Variants in NOS1AP observed in about 807,000 individuals in gnomAD.
The protein encoded by NOS1AP is carboxyl-terminal PDZ ligand of neuronal nitric oxide synthase protein.
A neutral mutation model predicts 56.2 loss-of-function variants in NOS1AP; 21 were observed. The observed-to-expected ratio is 0.37, with a 90% CI of 0.26 to 0.54. The LOEUF (loss-of-function observed/expected upper bound fraction) is 0.54. Among genes scored for constraint, NOS1AP ranks in the 20% least tolerant of loss-of-function variants. The probability of loss-of-function intolerance (pLI) is 0.84; values close to 1 mark genes in which losing one functional copy is unlikely to be tolerated. For synonymous variants in NOS1AP, 270 were observed against 274.6 expected, an observed-to-expected ratio of 0.98 and a Z score of 0.17; for missense variants, 522 against 657.8, an observed-to-expected ratio of 0.79 and a Z score of 2.26.
chr1:162,346,206 C>A, intron 6 of NOS1AP, among the ~76,000 whole-genome samples: 1 of 152,048 alleles, frequency 6.6e-6, no homozygotes, highest in Non-Finnish European at 1.5e-5. Context: ...AAAGGTAAAC[C>A]CATAAAGGTG....
chr1:162,114,967 C>T (rs1016171903), intron 1 of NOS1AP, among the ~76,000 whole-genome samples: 1 of 152,190 alleles, frequency 6.6e-6, no homozygotes, highest in African/African-American at 2.4e-5. Context: ...TGACTGATAT[C>T]CATGAGTTAA....
chr1:162,300,545 C>G (rs1420211470), intron 3 of NOS1AP, 88 bp from the exon 4 acceptor site: 1 of 1,204,100 alleles, frequency 8.3e-7, no homozygotes, highest in Admixed American at 1.7e-5. Flanking sequence ...AGGTCAGGAG[C>G]AAAATGCATG....
At chr1:162,177,915 C>T (rs1274033166) in intron 2 of NOS1AP, among the ~76,000 whole-genome samples, 2 of 152,090 alleles carry the variant, frequency 1.3e-5, no homozygotes, top group Non-Finnish European at 2.9e-5. Context: ...TGGGTTTGGA[C>T]GAGTGTTTAA....
intron 1 of NOS1AP, among the ~76,000 whole-genome samples, chr1:162,149,380 G>A (rs1454433915): frequency 6.6e-6 from 1 of 152,180 alleles, no homozygotes; most frequent in Non-Finnish European, 1.5e-5. Flanking sequence ...CTGCAGAATT[G>A]CTTGAAGTTG....
chr1:162,320,164 A>T (rs1487674899), intron 4 of NOS1AP, among the ~76,000 whole-genome samples: 2 of 152,116 alleles, frequency 1.3e-5, no homozygotes, highest in Non-Finnish European at 2.9e-5. Flanking sequence ...GGTACGGAGT[A>T]AGATGTGCGT....
intron 4 of NOS1AP, among the ~76,000 whole-genome samples, chr1:162,332,373 C>T (rs987381831): frequency 6.6e-6 from 1 of 152,230 alleles, no homozygotes; most frequent in African/African-American, 2.4e-5. Flanking sequence ...TTTGCATTGT[C>T]TACGTGTAAG....
At chr1:162,076,428 C>T (rs1691768770) in intron 1 of NOS1AP, among the ~76,000 whole-genome samples, 1 of 152,104 alleles carries the variant, frequency 6.6e-6, no homozygotes, top group Admixed American at 6.5e-5. Flanking sequence ...ATTGAGTTCC[C>T]TCCTTTCTAA....
chr1:162,207,306 C>T (rs1312203765), intron 2 of NOS1AP, among the ~76,000 whole-genome samples: 5 of 152,178 alleles, frequency 3.3e-5, no homozygotes, highest in Non-Finnish European at 5.9e-5. Flanking sequence ...GTAAAATCAC[C>T]GTCTACCCAC....
chr1:162,305,200 T>C (rs1019113418), intron 4 of NOS1AP, among the ~76,000 whole-genome samples: 1 of 152,210 alleles, frequency 6.6e-6, no homozygotes, highest in African/African-American at 2.4e-5. Context: ...TGGCATTAAT[T>C]ACATTGGTAG....
At chr1:162,278,049 C>T (rs1654799804) in intron 2 of NOS1AP, among the ~76,000 whole-genome samples, 1 of 152,176 alleles carries the variant, frequency 6.6e-6, no homozygotes, top group African/African-American at 2.4e-5. Flanking sequence ...ACTATAGTAA[C>T]TTCTTTTCCA....
At chr1:162,316,321 G>A (rs1206899718) in intron 4 of NOS1AP, among the ~76,000 whole-genome samples, 2 of 152,180 alleles carry the variant, frequency 1.3e-5, no homozygotes, top group East Asian at 3.8e-4. Context: ...ACAAGAAGTC[G>A]AATGACTTTG....
chr1:162,262,896 G>A (rs78493227), intron 2 of NOS1AP, among the ~76,000 whole-genome samples: 4,221 of 152,208 alleles, frequency 0.028, 76 homozygotes, highest in Non-Finnish European at 0.038. Flanking sequence ...CAAAAGAATT[G>A]CTTAGTTGCT....
chr1:162,129,067 G>GT (rs938689156), intron 1 of NOS1AP, among the ~76,000 whole-genome samples: 5 of 151,672 alleles, frequency 3.3e-5, no homozygotes, highest in South Asian at 4.2e-4. Context: ...AAATGCATCA[G>GT]TTTTTTTTTA....
chr1:162,341,885 T>G (rs1657119370), intron 5 of NOS1AP, among the ~76,000 whole-genome samples: 3 of 152,036 alleles, frequency 2.0e-5, no homozygotes, highest in South Asian at 2.1e-4. Flanking sequence ...AAAGCTGGAG[T>G]GTTCCTAGCC....
intron 2 of NOS1AP, among the ~76,000 whole-genome samples, chr1:162,282,238 G>A (rs938964195): frequency 1.3e-5 from 2 of 152,160 alleles, no homozygotes; most frequent in Non-Finnish European, 1.5e-5. Flanking sequence ...CTCTGTACCT[G>A]TTAAACAACT....
In NOS1AP at chr1:162,120,410, G is replaced by C. The variant is rs573408767; in HGVS notation, c.106-33995G>C. On this transcript the variant is annotated intron_variant, in intron 1 of 9. Coordinates refer to ENST00000361897, the MANE Select transcript of NOS1AP (RefSeq NM_014697.3). ...AAACAAGGAAAGAATTGGGAACCTG[G>C]TGAAGGAAATGAGGAGAGAATTTGT... Among the ~76,000 whole-genome samples the C allele has an allele frequency of 4.6e-5, 7 of 152,288 alleles. No homozygotes were observed. The South Asian group carries it at 1.2e-3, about 27-fold the overall frequency.
Position 162,070,098 on chromosome 1 carries a change from C to T in NOS1AP, c.-80C>T. The T allele has an allele frequency of 1.7e-6, 2 of 1,180,664 alleles. No individual in the cohort carries two copies. The highest frequency in any genetic ancestry group is 1.5e-5 in the African/African-American group (1 of 65,406). The allele number at this position is 1,180,664 out of a possible 1,614,324, so 73.1% of individuals were successfully genotyped here. ...CCGCCACGCGTCGCCGCGCCCAGCT[C>T]CAGTCTCCCCTCCCCGGGGTCTCGC... On this transcript the variant is annotated 5_prime_UTR_variant, in exon 1 of 10. Coordinates refer to ENST00000361897, the MANE Select transcript of NOS1AP (RefSeq NM_014697.3).
intron 1 of NOS1AP, among the ~76,000 whole-genome samples, chr1:162,130,650 T>C (rs1001083170): frequency 1.3e-5 from 2 of 152,136 alleles, no homozygotes; most frequent in African/African-American, 2.4e-5. Flanking sequence ...TCTAGAGGCT[T>C]TTTATAGAGA....
At chr1:162,211,433 T>C (rs145042821) in intron 2 of NOS1AP, among the ~76,000 whole-genome samples, 2 of 152,346 alleles carry the variant, frequency 1.3e-5, no homozygotes, top group East Asian at 3.9e-4. Context: ...ATTAGGACTC[T>C]ACCTTTGTAA....
Sources: allele counts gnomAD v4.1 joint callset (sites outside exome capture counted in the v4.1 genomes callset), GRCh38; gene constraint gnomAD v4.1.1; transcripts MANE v1.5; gene names NCBI Gene and HGNC (gene_info 2026-07-23, HGNC 2026-07-21).